The following RBBP8 variants were observed in gnomAD, a reference collection of about 807,000 sequenced individuals.
RBBP8 encodes the protein RB binding protein 8, endonuclease.
A neutral mutation model predicts 108.3 loss-of-function variants in RBBP8; 88 were observed. The observed-to-expected ratio is 0.81, with a 90% CI of 0.68 to 0.97. RBBP8 has a LOEUF of 0.97. RBBP8 is among the 50% of genes least tolerant of loss of function. The probability of loss-of-function intolerance (pLI) is 0.00; values close to 1 mark genes in which losing one functional copy is unlikely to be tolerated. For missense variants in RBBP8, 1,023 were observed against 1,049.0 expected (o/e 0.98, Z 0.34); for synonymous variants, 332 against 348.2 (o/e 0.95, Z 0.52).
chr18:23,011,822 G>C (rs565387567), intron 16 of RBBP8, among the ~76,000 whole-genome samples: 3 of 152,092 alleles, frequency 2.0e-5, no homozygotes, highest in African/African-American at 7.2e-5. Context: ...TGTCGTGTGT[G>C]TTCTGGCTGC....
chr18:23,013,829 T>G (rs1322916312), intron 16 of RBBP8, among the ~76,000 whole-genome samples: 3 of 152,226 alleles, frequency 2.0e-5, no homozygotes, highest in Non-Finnish European at 2.9e-5. Flanking sequence ...TAATTTGGCC[T>G]ATGCCCAAAA....
intron 16 of RBBP8, among the ~76,000 whole-genome samples, chr18:23,009,621 G>T (rs1432794196): frequency 6.6e-6 from 1 of 151,068 alleles, no homozygotes; most frequent in Non-Finnish European, 1.5e-5. Flanking sequence ...TCTATTCTTG[G>T]CCTCTATATC....
At chr18:22,982,508 G>T (rs2144656966) in intron 7 of RBBP8, 115 bp downstream of exon 7, 1 of 1,561,576 alleles carries the variant, frequency 6.4e-7, no homozygotes, top group African/African-American at 1.4e-5. Context: ...GGTATCCCAT[G>T]GTACAACTAT....
intron 12 of RBBP8, among the ~76,000 whole-genome samples, chr18:22,994,936 GGT>G (rs2045827781): frequency 6.6e-6 from 1 of 151,980 alleles, no homozygotes; most frequent in African/African-American, 2.4e-5. Context: ...TTGTTGCCCA[GGT>G]TGGTCTCGAA....
At chr18:22,953,872 A>T (rs1161172964) in intron 4 of RBBP8, among the ~76,000 whole-genome samples, 2 of 152,114 alleles carry the variant, frequency 1.3e-5, no homozygotes, top group African/African-American at 2.4e-5. Flanking sequence ...GCCTCAGGAA[A>T]CTTACAATCA....
chr18:22,929,718 AT>A (rs958953566), upstream of RBBP8, among the ~76,000 whole-genome samples: 30 of 152,202 alleles, frequency 2.0e-4, no homozygotes, highest in African/African-American at 6.3e-4. Context: ...GTTTTGCCTA[AT>A]TCGTAGGGTT....
chr18:22,974,603 G>A (rs553910475), intron 5 of RBBP8, among the ~76,000 whole-genome samples: 17 of 152,098 alleles, frequency 1.1e-4, no homozygotes, highest in Non-Finnish European at 1.8e-4. Context: ...GGGATTACAG[G>A]CATGCGCCAC....
chr18:22,972,500 G>C (rs2144611109), intron 5 of RBBP8, among the ~76,000 whole-genome samples: 1 of 145,304 alleles, frequency 6.9e-6, no homozygotes, highest in South Asian at 2.2e-4. Context: ...TGCAACCTCT[G>C]TCTCCTGGGT....
At chr18:22,981,259 C>T (rs992164134) in intron 6 of RBBP8, among the ~76,000 whole-genome samples, 6 of 152,034 alleles carry the variant, frequency 3.9e-5, no homozygotes, top group East Asian at 1.9e-4. Flanking sequence ...TGTGAGCCAC[C>T]GCGCCCGGCC....
At chr18:22,936,550 A>G (rs1910598274) in intron 1 of RBBP8, among the ~76,000 whole-genome samples, 1 of 152,224 alleles carries the variant, frequency 6.6e-6, no homozygotes, top group South Asian at 2.1e-4. Flanking sequence ...TTTACCTCAT[A>G]TAGCCAAATA....
At chr18:23,016,718 A>G in intron 16 of RBBP8, 110 bp from the exon 17 acceptor site, 1 of 855,890 alleles carries the variant, frequency 1.2e-6, no homozygotes, top group African/African-American at 1.7e-5. Flanking sequence ...ACGAAGCAAT[A>G]TTTTTCTAAC....
At chr18:22,952,810 C>G (rs1435499774) in intron 4 of RBBP8, among the ~76,000 whole-genome samples, 1 of 152,194 alleles carries the variant, frequency 6.6e-6, no homozygotes, top group Non-Finnish European at 1.5e-5. Context: ...GCCTTTAACT[C>G]CAGCCATTGA....
chr18:22,939,944 A>C (rs531692265), intron 2 of RBBP8, among the ~76,000 whole-genome samples: 10 of 152,178 alleles, frequency 6.6e-5, no homozygotes, highest in Non-Finnish European at 1.3e-4. Context: ...CTGAGTAGAG[A>C]GAATAGCACA....
intron 2 of RBBP8, among the ~76,000 whole-genome samples, chr18:22,941,447 C>T (rs1911077354): frequency 6.6e-6 from 1 of 152,124 alleles, no homozygotes; most frequent in South Asian, 2.1e-4. Context: ...GCTAGGATTA[C>T]AGGCAGGAGC....
intron 13 of RBBP8, 136 bp from the exon 14 acceptor site, chr18:22,997,484 A>G (rs2144727033): frequency 3.0e-6 from 2 of 671,338 alleles, no homozygotes; most frequent in South Asian, 3.7e-5. Flanking sequence ...TAAAGTATAA[A>G]AGCAAATATA....
At chr18:23,003,086 G>A (rs547761349) in intron 15 of RBBP8, among the ~76,000 whole-genome samples, 2 of 152,130 alleles carry the variant, frequency 1.3e-5, no homozygotes, top group East Asian at 3.9e-4. Flanking sequence ...CTTTTCATTT[G>A]TCACAGCTTG....
chr18:22,997,572 A>G (rs1216129878), intron 13 of RBBP8, 48 bp from the exon 14 acceptor site: 3 of 1,139,816 alleles, frequency 2.6e-6, no homozygotes, highest in Non-Finnish European at 3.9e-6. Context: ...ATATAAGACC[A>G]TAAAGGAATA....
exon 1 of RBBP8, chr18:22,914,229 G>C (rs1264318594): frequency 6.6e-6 from 1 of 152,186 alleles, no homozygotes; most frequent in African/African-American, 2.4e-5. Flanking sequence ...TGTTTAAGTT[G>C]ATAGATTCAG....
At chr18:22,976,607 T>C (rs1914515481) in intron 6 of RBBP8, among the ~76,000 whole-genome samples, 1 of 152,150 alleles carries the variant, frequency 6.6e-6, no homozygotes, top group East Asian at 1.9e-4. Context: ...TATGTATATA[T>C]GTTCTGTATT....
Sources: allele counts gnomAD v4.1 joint callset (sites outside exome capture counted in the v4.1 genomes callset), GRCh38; gene constraint gnomAD v4.1.1; transcripts MANE v1.5; gene names NCBI Gene and HGNC (gene_info 2026-07-23, HGNC 2026-07-21).